CCDC77: variants seen among roughly 807,000 people sequenced by gnomAD.
CCDC77 encodes the protein coiled-coil domain containing 77.
A neutral mutation model predicts 66.8 loss-of-function variants in CCDC77; 56 were observed. The ratio of observed to expected loss-of-function variants is 0.84; its 90% confidence interval spans 0.68 to 1.05. CCDC77 has a LOEUF of 1.05. Among genes scored for constraint, CCDC77 ranks in the 50% least tolerant of loss-of-function variants. The pLI, the probability that CCDC77 is intolerant of heterozygous loss-of-function variation, is 0.00. For missense variants in CCDC77, 570 were observed against 576.8 expected (o/e 0.99, Z 0.12); for synonymous variants, 196 against 195.2 (o/e 1.00, Z -0.03).
At chr12:432,057 G>T in intron 8 of CCDC77, 103 bp downstream of exon 8, 1 of 677,986 alleles carries the variant, frequency 1.5e-6, no homozygotes, top group Non-Finnish European at 2.6e-6. Context: ...TTGCACACAG[G>T]TTACATCTAA....
intron 5 of CCDC77, among the ~76,000 whole-genome samples, chr12:427,741 G>A (rs1370080562): frequency 1.3e-5 from 2 of 152,122 alleles, no homozygotes; most frequent in Middle Eastern, 3.4e-3. Context: ...CCAAAGTGCC[G>A]GGATTACAGG....
chr12:403,349 C>A (rs1402680994), intron 1 of CCDC77, among the ~76,000 whole-genome samples: 4 of 152,190 alleles, frequency 2.6e-5, no homozygotes, highest in Non-Finnish European at 5.9e-5. Flanking sequence ...GGCCTTATAT[C>A]CGTACACCAA....
chr12:389,411 C>A, exon 1 of CCDC77: 2 of 518,382 alleles, frequency 3.9e-6, no homozygotes, highest in Non-Finnish European at 7.1e-6. Flanking sequence ...TCTTCCCCGG[C>A]AGCACAGTGT....
rs137918762 is a variant in CCDC77, at chr12:418,910, G to T, written c.413+274G>T. The T allele has an allele frequency of 7.1e-4, 241 of 337,438 alleles. 2 individuals are homozygous for T. The highest frequency in any genetic ancestry group is 4.7e-3 in the African/African-American group (222 of 47,714). The allele number at this position is 337,438 out of a possible 1,614,324, so 20.9% of individuals were successfully genotyped here. On this transcript the variant is annotated intron_variant, in intron 5 of 12. Coordinates refer to ENST00000239830, the MANE Select transcript of CCDC77 (RefSeq NM_032358.4). ...GATGGGGTTTTGCCCTGTCAGCCAC[G>T]CTGGTCTCGAACTCTTGGCCTCAAG...
chr12:423,477 G>GTTTTT (rs1565572179), intron 5 of CCDC77, among the ~76,000 whole-genome samples: 493 of 24,926 alleles, frequency 0.02, 27 homozygotes, highest in African/African-American at 0.024. Flanking sequence ...TGTGTTTTTT[G>GTTTTT]TGTTTTTTTT....
intron 8 of CCDC77, among the ~76,000 whole-genome samples, chr12:432,770 G>C (rs1459542348): frequency 6.6e-6 from 1 of 152,198 alleles, no homozygotes; most frequent in Non-Finnish European, 1.5e-5. Context: ...GCTGGGCATA[G>C]TAATGCCTGT....
At position 442,431 on chromosome 12, in the gene CCDC77, G is replaced by C. The variant is rs886484740; in HGVS notation, c.*511G>C. ...CCGTCCTGAGCAGAGCCTGAATTACGTTTTTGGGCAATTTCATGGTGTTTC... is the reference window on the plus strand; with the variant it reads ...CCGTCCTGAGCAGAGCCTGAATTACCTTTTTGGGCAATTTCATGGTGTTTC... On this transcript the variant is annotated 3_prime_UTR_variant, in exon 13 of 13. Coordinates refer to ENST00000239830, the MANE Select transcript of CCDC77 (RefSeq NM_032358.4). The C allele has an allele frequency of 6.6e-6, 1 of 152,254 alleles. No individual in the cohort carries two copies. Among genetic ancestry groups the C allele is most frequent in the Admixed American group, 6.5e-5 (1 of 15,272 alleles). 9.4% of individuals were successfully genotyped at this position (152,254 alleles called of 1,614,324 possible). A position where few individuals can be genotyped will look rare whatever the true frequency, so the allele number is the denominator to read the frequency against.
chr12:390,026 A>C (rs1944725600), intron 1 of CCDC77: 1 of 148,768 alleles, frequency 6.7e-6, no homozygotes, highest in African/African-American at 2.5e-5. Flanking sequence ...CCTGCAGGAC[A>C]TCTCACTTTG....
intron 3 of CCDC77, among the ~76,000 whole-genome samples, chr12:411,077 T>C (rs1945098994): frequency 6.6e-6 from 1 of 152,100 alleles, no homozygotes; most frequent in Admixed American, 6.6e-5. Flanking sequence ...TGTGCCACCA[T>C]TCCTGGCTCT....
At chr12:441,576 G>C (rs1370802057) in intron 12 of CCDC77, among the ~76,000 whole-genome samples, 198 bp from the exon 13 acceptor site, 1 of 152,004 alleles carries the variant, frequency 6.6e-6, no homozygotes, top group Non-Finnish European at 1.5e-5. Flanking sequence ...TTATTGCATG[G>C]GAAGGATTTT....
In CCDC77 at chr12:438,445, T is replaced by A; in HGVS notation, c.932T>A (p.Met311Lys). The change falls in exon 10 of 13, where the codon ATG (methionine) becomes AAG (lysine). Residue 311 changes from methionine (M) to lysine (K), a missense_variant. Coordinates refer to ENST00000239830, the MANE Select transcript of CCDC77 (RefSeq NM_032358.4). ...KSWMLEKDNL[M>K]SKIKQYRVQC... ...TGGATGCTTGAAAAAGATAATTTGA[T>A]GTCAAAGATTAAGCAATATAGGGTG... 1.2e-6 allele frequency: 2 copies of A among 1,613,862 alleles called. No homozygotes were observed. Among genetic ancestry groups the A allele is most frequent in the Non-Finnish European group, 1.7e-6 (2 of 1,179,826 alleles).
Position 433,243 on chromosome 12 carries a change from G to T in CCDC77, c.742G>T (p.Glu248Ter). 1 of 1,614,046 alleles carries T rather than the reference G, an allele frequency of 6.2e-7. No homozygotes were observed. Among genetic ancestry groups the T allele is most frequent in the Non-Finnish European group, 8.5e-7 (1 of 1,180,002 alleles). Reference sequence around the variant, plus strand: ...TCGAGAACAAATTGAAGGGCTCATCGAGGACAGACGGATTCACCTTGAGGA... The same window carrying T: ...TCGAGAACAAATTGAAGGGCTCATCTAGGACAGACGGATTCACCTTGAGGA... ...LSREQIEGLI[E>*]DRRIHLEEIQ... is the part of the protein sequence containing the mutation. Residue 248 changes from glutamate to a stop codon, truncating the protein, a stop_gained, in exon 9 of 13, where the codon GAG becomes TAG. Coordinates refer to ENST00000239830, the MANE Select transcript of CCDC77 (RefSeq NM_032358.4). LOFTEE classifies it high-confidence loss of function.
intron 8 of CCDC77, 103 bp from the exon 9 acceptor site, chr12:433,071 T>G: frequency 8.2e-7 from 1 of 1,213,026 alleles, no homozygotes; most frequent in African/African-American, 1.5e-5. Flanking sequence ...TGTTTTTGTT[T>G]GTGTTTGTTT....
chr12:406,997 T>C (rs764650315), intron 2 of CCDC77, among the ~76,000 whole-genome samples: 1 of 152,156 alleles, frequency 6.6e-6, no homozygotes, highest in Non-Finnish European at 1.5e-5. Flanking sequence ...GTTGTCGTCA[T>C]CTGGGCAACA....
chr12:414,640 C>T (rs1420551559), intron 4 of CCDC77, among the ~76,000 whole-genome samples: 1 of 152,190 alleles, frequency 6.6e-6, no homozygotes, highest in African/African-American at 2.4e-5. Context: ...CGCACATGTA[C>T]TGCCACCATT....
At chr12:395,568 AT>A (rs1465521512) in intron 1 of CCDC77, among the ~76,000 whole-genome samples, 3 of 152,038 alleles carry the variant, frequency 2.0e-5, no homozygotes, top group Non-Finnish European at 4.4e-5. Context: ...AACAATAAAA[AT>A]AATAATAAAT....
At chr12:429,392 G>A (rs1005854335) in intron 6 of CCDC77, among the ~76,000 whole-genome samples, 3 of 150,586 alleles carry the variant, frequency 2.0e-5, no homozygotes, top group African/African-American at 7.3e-5. Context: ...TCTATAAACA[G>A]TTCCTGAGCA....
chr12:422,048 ACACACATAGCAGCACCCTCCATGCTCCAT>A (rs1565571440), intron 5 of CCDC77, among the ~76,000 whole-genome samples: 6 of 38,394 alleles, frequency 1.6e-4, no homozygotes, highest in East Asian at 1.0e-3. Flanking sequence ...GAGAGGGTAA[ACACACATAGCAGCACCCTCCATGCTCCAT>A]TACAGTGCTC....
In CCDC77 at chr12:440,859, A is replaced by C; in HGVS notation, c.1183A>C (p.Met395Leu). ...REIFKDRTNKMGKRLQIMTKR... is the reference protein window; with the variant it reads ...REIFKDRTNKLGKRLQIMTKR... ...CCATATTTAGGATCGCACTAACAAG[A>C]TGGGGAAGCGTTTACAGATAATGAC... The change falls in exon 12 of 13, where the codon ATG becomes CTG. Residue 395 changes from methionine to leucine, a missense_variant. Physicochemically the swap from Met to Leu is conservative, Grantham distance 15. Coordinates refer to ENST00000239830, the MANE Select transcript of CCDC77 (RefSeq NM_032358.4). 1 of 1,613,604 alleles carries C rather than the reference A, an allele frequency of 6.2e-7. No homozygotes were observed. The highest frequency in any genetic ancestry group is 8.5e-7 in the Non-Finnish European group (1 of 1,180,000).
Sources: gnomAD v4.1 joint callset for allele counts (sites outside exome capture counted in the v4.1 genomes callset) on GRCh38, gnomAD v4.1.1 for gene constraint, MANE v1.5 for transcripts, NCBI Gene and HGNC (gene_info 2026-07-23, HGNC 2026-07-21) for gene names.